OTUB1: variants seen among roughly 807,000 people sequenced by gnomAD.
OTUB1 encodes the protein ubiquitin thioesterase OTUB1.
A neutral mutation model predicts 35.8 loss-of-function variants in OTUB1; 10 were observed. The ratio of observed to expected loss-of-function variants is 0.28; its 90% CI spans 0.17 to 0.47. The LOEUF is 0.47. OTUB1 is among the 20% of genes least tolerant of loss of function. The pLI, the probability that OTUB1 is intolerant of heterozygous loss-of-function variation, is 0.99. For synonymous variants in OTUB1, 158 were observed against 143.8 expected, an observed-to-expected ratio of 1.10 and a Z score of -0.71; for missense variants, 264 against 351.6, an observed-to-expected ratio of 0.75 and a Z score of 1.99.
intron 3 of OTUB1, among the ~76,000 whole-genome samples, chr11:63,995,466 G>A (rs1427406516): frequency 6.6e-6 from 1 of 152,058 alleles, no homozygotes; most frequent in Non-Finnish European, 1.5e-5. Flanking sequence ...AAAGTGCTGC[G>A]ATTACAAGCG....
rs544528368 is a variant in OTUB1 at position 63,997,705 on chromosome 11, C to A, written c.*159C>A. 2.8e-6 allele frequency: 2 copies of A among 720,520 alleles called. No individual in the cohort carries two copies. The highest frequency in any genetic ancestry group is 1.5e-5 in the South Asian group (1 of 68,036). 44.6% of individuals were successfully genotyped at this position (720,520 alleles called of 1,614,324 possible). Reference sequence around the variant, plus strand: ...ATTAAAGGGGGTGCTGGTGGTGAGCCGTGTGTGCGTGTCCCTGCTCTGCTG... The same window carrying A: ...ATTAAAGGGGGTGCTGGTGGTGAGCAGTGTGTGCGTGTCCCTGCTCTGCTG... On this transcript the variant is annotated 3_prime_UTR_variant, in exon 7 of 7. Coordinates refer to ENST00000538426, the MANE Select transcript of OTUB1 (RefSeq NM_017670.3).
chr11:63,997,983 C>T lies in OTUB1; in HGVS notation c.*437C>T. 1 of 569,444 alleles carries T rather than the reference C, an allele frequency of 1.8e-6. No individual in the cohort carries two copies. Among genetic ancestry groups the T allele is most frequent in the South Asian group, 2.1e-5 (1 of 47,572 alleles). The allele number at this position is 569,444 out of a possible 1,614,324, so 35.3% of individuals were successfully genotyped here. ...ACACTTCATCTGCTCCCTCATAGGC[C>T]CCACCTCCACGTCCCGGCTGGGCCC... On this transcript the variant is annotated 3_prime_UTR_variant, in exon 7 of 7. Transcript: ENST00000538426.
In OTUB1 at chr11:63,986,631, G is replaced by A. The variant is rs549873378; in HGVS notation, c.58+117G>A. On this transcript the variant is annotated intron_variant, in intron 1 of 6. Coordinates refer to ENST00000538426, the MANE Select transcript of OTUB1 (RefSeq NM_017670.3). ...GCTCTGGGGTCGAGGTGCGCGAGGG[G>A]TCCCTTCCTCCACCTCCGCTGCCTC... 3.0e-5 allele frequency: 25 copies of A among 830,006 alleles called. No homozygotes were observed. The African/African-American group carries it at 3.8e-4, about 13-fold the overall frequency. The allele number at this position is 830,006 out of a possible 1,614,324, so 51.4% of individuals were successfully genotyped here.
At chr11:63,987,721 A>T (rs1007797249) in intron 1 of OTUB1, among the ~76,000 whole-genome samples, 2 of 152,190 alleles carry the variant, frequency 1.3e-5, no homozygotes, top group Non-Finnish European at 2.9e-5. Flanking sequence ...AATATCCACG[A>T]CCGCAAGAGG....
chr11:63,997,557 A>G lies in OTUB1; in HGVS notation c.*11A>G. 1 of 1,611,124 alleles carries G rather than the reference A, an allele frequency of 6.2e-7. No individual in the cohort carries two copies. Among genetic ancestry groups the G allele is most frequent in the Non-Finnish European group, 8.5e-7 (1 of 1,177,928 alleles). On this transcript the variant is annotated 3_prime_UTR_variant, in exon 7 of 7. Coordinates refer to ENST00000538426, the MANE Select transcript of OTUB1 (RefSeq NM_017670.3). ...ATCCTCTACAAATAGGGCTGGCTCC[A>G]GCCCGCTGCTGCCCTGCTGCCCCCC...
intron 1 of OTUB1, 33 bp downstream of exon 1, chr11:63,986,547 C>G: frequency 6.6e-7 from 1 of 1,518,952 alleles, no homozygotes; most frequent in Non-Finnish European, 8.9e-7. Context: ...CCGGCCCGGG[C>G]TAGTGGGGGC....
chr11:63,988,285 A>T, intron 1 of OTUB1, 52 bp from the exon 2 acceptor site: 1 of 1,459,908 alleles, frequency 6.8e-7, no homozygotes, highest in Admixed American at 2.0e-5. Context: ...AGCTGCCTGC[A>T]GTGGAGATGG....
At chr11:63,988,308 G>A in intron 1 of OTUB1, 29 bp from the exon 2 acceptor site, 3 of 1,547,972 alleles carry the variant, frequency 1.9e-6, no homozygotes, top group Non-Finnish European at 2.6e-6. Context: ...AGGACCCCCT[G>A]TAATCTTTGG....
At chr11:63,992,739 TG>T (rs1459652880) in intron 3 of OTUB1, among the ~76,000 whole-genome samples, 1 of 148,038 alleles carries the variant, frequency 6.8e-6, no homozygotes, top group African/African-American at 2.5e-5. Flanking sequence ...TTAGTAGAGG[TG>T]GGGTTTCACC....
rs141070127 is a variant in OTUB1, at chr11:63,991,559, A to G, written c.219+2807A>G. On this transcript the variant is annotated intron_variant, in intron 3 of 6. Coordinates refer to ENST00000538426, the MANE Select transcript of OTUB1 (RefSeq NM_017670.3). The stretch of plus-strand genomic sequence containing the variant: ...CTCCCTGGGCAGAGACAGCTGTGGC[A>G]GCAGAGCCCAAGCAGAGAGAGCTCC... Among the ~76,000 whole-genome samples the G allele has an allele frequency of 8.0e-3, 1,224 of 152,350 alleles. 19 individuals carry two copies. The highest frequency in any genetic ancestry group is 0.028 in the African/African-American group (1,156 of 41,586).
intron 3 of OTUB1, among the ~76,000 whole-genome samples, chr11:63,993,661 CA>C (rs71039699): frequency 0.036 from 3,827 of 106,826 alleles, 132 homozygotes; most frequent in African/African-American, 0.13. Context: ...GAGACTGTCT[CA>C]AAAAAAAAAA....
At chr11:63,989,936 A>G (rs1942655480) in intron 3 of OTUB1, 1 of 149,870 alleles carries the variant, frequency 6.7e-6, no homozygotes, top group Admixed American at 6.7e-5. Context: ...AATGGTGTGA[A>G]CCCGGGAGGC....
At chr11:63,990,095 G>C (rs568952304) in intron 3 of OTUB1, 1 of 152,180 alleles carries the variant, frequency 6.6e-6, no homozygotes, top group African/African-American at 2.4e-5. Flanking sequence ...TGATGATCTC[G>C]GTGCCCATAC....
chr11:63,988,046 G>A (rs1462650645), intron 1 of OTUB1, among the ~76,000 whole-genome samples: 1 of 152,190 alleles, frequency 6.6e-6, no homozygotes, highest in Non-Finnish European at 1.5e-5. Context: ...AGGTTGAGGT[G>A]GGCGGATCAC....
chr11:63,997,270 C>T (rs1041938881), intron 6 of OTUB1, 26 bp downstream of exon 6: 11 of 1,610,892 alleles, frequency 6.8e-6, no homozygotes, highest in African/African-American at 1.3e-5. Flanking sequence ...CCTTTACTCT[C>T]GGCCGGGGGA....
intron 3 of OTUB1, among the ~76,000 whole-genome samples, chr11:63,992,273 TGAAGGCC>T (rs1213752039): frequency 6.7e-6 from 1 of 149,762 alleles, no homozygotes; most frequent in African/African-American, 2.5e-5. Flanking sequence ...CAGGGCTTGG[TGAAGGCC>T]TTGCTGATGA....
intron 2 of OTUB1, 24 bp from the exon 3 acceptor site, chr11:63,988,630 A>G (rs748789116): frequency 6.4e-7 from 1 of 1,566,176 alleles, no homozygotes; most frequent in Non-Finnish European, 8.8e-7. Flanking sequence ...CTGCTAGGAC[A>G]TGACAGATCC....
In OTUB1 at chr11:63,986,462, G is replaced by A. The variant is rs1453168761; in HGVS notation, c.6G>A (p.Ala2=). The change falls in exon 1 of 7, where the codon GCG becomes GCA. Residue 2 remains alanine (A), a synonymous_variant. Transcript: ENST00000538426. Reference sequence around the variant, plus strand: ...TAGTGCGGCGCTGTTTAAAGATGGCGGCGGAGGAACCTCAGCAGCAGAAGC... The same window carrying A: ...TAGTGCGGCGCTGTTTAAAGATGGCAGCGGAGGAACCTCAGCAGCAGAAGC... M[A]AEEPQQQKQE... 7.1e-6 allele frequency: 11 copies of A among 1,555,044 alleles called. No individual in the cohort carries two copies. Among genetic ancestry groups the A allele is most frequent in the African/African-American group, 1.4e-5 (1 of 73,166 alleles).
chr11:63,988,316 T>C (rs1384352676), intron 1 of OTUB1, 21 bp from the exon 2 acceptor site: 1 of 1,550,780 alleles, frequency 6.4e-7, no homozygotes, highest in South Asian at 1.2e-5. Flanking sequence ...CTGTAATCTT[T>C]GGCTTTTTTC....
Sources: gnomAD v4.1 joint callset for allele counts (sites outside exome capture counted in the v4.1 genomes callset) on GRCh38, gnomAD v4.1.1 for gene constraint, MANE v1.5 for transcripts, NCBI Gene and HGNC (gene_info 2026-07-23, HGNC 2026-07-21) for gene names.